The following NWD2 variants were observed in gnomAD, a reference collection of about 807,000 sequenced individuals.
The protein encoded by NWD2 is NACHT and WD repeat domain containing 2.
A neutral mutation model predicts 132.7 loss-of-function variants in NWD2; 37 were observed. That is an observed-to-expected ratio of 0.28 (90% CI 0.21 to 0.37). NWD2 has a LOEUF of 0.37. NWD2 is among the 10% of genes least tolerant of loss of function. The probability of loss-of-function intolerance (pLI) is 1.00; values close to 1 mark genes in which losing one functional copy is unlikely to be tolerated. For synonymous variants in NWD2, 705 were observed against 803.0 expected, an observed-to-expected ratio of 0.88 and a Z score of 2.06; for missense variants, 1,592 against 2,122.4, an observed-to-expected ratio of 0.75 and a Z score of 4.91.
At chr4:37,401,224 T>C (rs535449691) in intron 3 of NWD2, among the ~76,000 whole-genome samples, 52 of 152,240 alleles carry the variant, frequency 3.4e-4, no homozygotes, top group African/African-American at 1.2e-3. Context: ...TTCCCTCTTA[T>C]TGAGAAACAG....
chr4:37,337,960 T>C (rs781187295), intron 2 of NWD2, among the ~76,000 whole-genome samples: 3 of 152,224 alleles, frequency 2.0e-5, no homozygotes, highest in Non-Finnish European at 4.4e-5. Flanking sequence ...ACTGTTCTGG[T>C]TGACTCATCT....
intron 1 of NWD2, among the ~76,000 whole-genome samples, chr4:37,285,076 C>A (rs1162550002): frequency 1.3e-5 from 2 of 152,036 alleles, no homozygotes; most frequent in Non-Finnish European, 2.9e-5. Flanking sequence ...CAGTACCATA[C>A]AATGTTAACA....
At chr4:37,357,494 T>C (rs544939290) in intron 3 of NWD2, among the ~76,000 whole-genome samples, 164 of 152,312 alleles carry the variant, frequency 1.1e-3, no homozygotes, top group Non-Finnish European at 1.5e-3. Flanking sequence ...GTATTCCATA[T>C]ATAGATAAGT....
At chr4:37,275,620 T>C (rs1717994711) in intron 1 of NWD2, among the ~76,000 whole-genome samples, 1 of 152,186 alleles carries the variant, frequency 6.6e-6, no homozygotes, top group Middle Eastern at 3.4e-3. Context: ...CATCGCCAAG[T>C]CAATCCTAAG....
intron 3 of NWD2, 105 bp downstream of exon 3, chr4:37,356,587 C>A: frequency 1.4e-6 from 1 of 697,224 alleles, no homozygotes; most frequent in Non-Finnish European, 2.4e-6. Context: ...GGGAAAAAGA[C>A]TTTTTTATGT....
intron 1 of NWD2, among the ~76,000 whole-genome samples, chr4:37,250,954 G>A (rs535505346): frequency 1.2e-4 from 18 of 152,338 alleles, no homozygotes; most frequent in African/African-American, 3.8e-4. Flanking sequence ...GTAAGTATTT[G>A]TGTATCTAGA....
At chr4:37,360,443 G>A (rs1177561103) in intron 3 of NWD2, among the ~76,000 whole-genome samples, 2 of 152,124 alleles carry the variant, frequency 1.3e-5, no homozygotes, top group Non-Finnish European at 2.9e-5. Flanking sequence ...TTAATAAAAT[G>A]TAATATTTGT....
chr4:37,421,348 ACTCTGTTATGCAG>A lies in NWD2; in HGVS notation c.358-9219_358-9207del, dbSNP rs536771612. Among the ~76,000 whole-genome samples the A allele has an allele frequency of 2.0e-4, 31 of 152,184 alleles. No homozygotes were observed. The East Asian group carries it at 6.0e-3, about 29-fold the overall frequency. On this transcript the variant is annotated intron_variant, in intron 3 of 6. Coordinates refer to ENST00000309447, the MANE Select transcript of NWD2 (RefSeq NM_001144990.2). The stretch of plus-strand genomic sequence containing the variant: ...CTCCGGAATGGCTCCATTTCATGTG[ACTCTGTTATGCAG>A]CTCTTTCACCCTTATGGCTGTTCCC...
Position 37,433,726 on chromosome 4 carries a change from T to C in NWD2, c.562-150T>C, listed in dbSNP as rs1712238714. 4 of 536,484 alleles carry C rather than the reference T, an allele frequency of 7.5e-6. No individual in the cohort carries two copies. The Admixed American group carries it at 1.4e-4, about 19-fold the overall frequency. 33.2% of individuals were successfully genotyped at this position (536,484 alleles called of 1,614,324 possible). ...CAGAAATAATTTCTAACTTTCAGGG[T>C]TATTGAGATTAAATTAGACACTGTC... On this transcript the variant is annotated intron_variant, in intron 4 of 6. Transcript: ENST00000309447.
chr4:37,318,061 T>C (rs1577666283), intron 1 of NWD2, among the ~76,000 whole-genome samples: 1 of 149,972 alleles, frequency 6.7e-6, no homozygotes, highest in Non-Finnish European at 1.5e-5. Flanking sequence ...CGCTCTTGTC[T>C]GTCACCCAAC....
At chr4:37,245,634 T>A (rs1433726676) in intron 1 of NWD2, among the ~76,000 whole-genome samples, 4 of 151,320 alleles carry the variant, frequency 2.6e-5, no homozygotes, top group Admixed American at 6.6e-5. Flanking sequence ...GGTTCCTGAG[T>A]GCGGGGCTAC....
chr4:37,259,481 G>A (rs1034100164), intron 1 of NWD2, among the ~76,000 whole-genome samples: 2 of 152,190 alleles, frequency 1.3e-5, no homozygotes, highest in African/African-American at 2.4e-5. Context: ...GGCATGAAGT[G>A]TCTTCCTCGT....
At chr4:37,254,462 C>T (rs1392835016) in intron 1 of NWD2, among the ~76,000 whole-genome samples, 1 of 152,150 alleles carries the variant, frequency 6.6e-6, no homozygotes, top group Non-Finnish European at 1.5e-5. Context: ...AAGTTCCACT[C>T]AATTTTTTTT....
At chr4:37,253,891 A>AT (rs1717449449) in intron 1 of NWD2, among the ~76,000 whole-genome samples, 1 of 152,352 alleles carries the variant, frequency 6.6e-6, no homozygotes, top group East Asian at 1.9e-4. Flanking sequence ...ATTAGGTTTG[A>AT]TAAAGTAAGC....
rs547685074 is a variant in NWD2 at position 37,309,426 on chromosome 4, C to T, written c.152-16510C>T. ...AGGTGCTGAGTTCACAGCTACACCA[C>T]GGGGTCCAACTGGAATCACAGCCCT... is the stretch of plus-strand genomic sequence containing the variant. On this transcript the variant is annotated intron_variant, in intron 1 of 6. Transcript: ENST00000309447. 6.4e-4 allele frequency among the ~76,000 whole-genome samples: 98 copies of T among 152,132 alleles called. 2 individuals are homozygous for T. The South Asian group carries it at 7.9e-3, about 12-fold the overall frequency.
chr4:37,273,451 A>G (rs1717915126), intron 1 of NWD2, among the ~76,000 whole-genome samples: 1 of 152,120 alleles, frequency 6.6e-6, no homozygotes, highest in Non-Finnish European at 1.5e-5. Context: ...GAGACCTACA[A>G]AGAGATTTAG....
chr4:37,319,123 G>A (rs1042795504), intron 1 of NWD2, among the ~76,000 whole-genome samples: 9 of 152,174 alleles, frequency 5.9e-5, no homozygotes, highest in African/African-American at 2.2e-4. Context: ...TCTTTTCACT[G>A]CAGCTTTACC....
At chr4:37,441,499 A>G (rs1712483578) in intron 6 of NWD2, among the ~76,000 whole-genome samples, 1 of 152,154 alleles carries the variant, frequency 6.6e-6, no homozygotes, top group Non-Finnish European at 1.5e-5. Context: ...CATGTGATGC[A>G]CCTCCACATG....
At position 37,385,769 on chromosome 4, in the gene NWD2, A is replaced by T. The variant is rs376295402; in HGVS notation, c.357+29287A>T. Among the ~76,000 whole-genome samples, 90 of 152,320 alleles carry T rather than the reference A, an allele frequency of 5.9e-4. 1 individual carries two copies. The highest frequency in any genetic ancestry group is 2.1e-3 in the African/African-American group (86 of 41,568). ...ACAAGATGTTATTAATGATATAAAC[A>T]TCCCTAATAGTATGATAGAAATTAA... On this transcript the variant is annotated intron_variant, in intron 3 of 6. Transcript: ENST00000309447.
Sources: gnomAD v4.1 joint callset for allele counts (sites outside exome capture counted in the v4.1 genomes callset) on GRCh38, gnomAD v4.1.1 for gene constraint, MANE v1.5 for transcripts, NCBI Gene and HGNC (gene_info 2026-07-23, HGNC 2026-07-21) for gene names.